Variants in CTNNA1 observed in about 807,000 individuals in gnomAD.
The protein encoded by CTNNA1 is catenin alpha-1.
CTNNA1 carries 37 observed loss-of-function variants against 98.4 expected under a neutral mutation model. The observed-to-expected ratio is 0.38, with a 90% CI of 0.29 to 0.49. The LOEUF (loss-of-function observed/expected upper bound fraction) is 0.49. Ranked by LOEUF, CTNNA1 falls within the 20% of genes least tolerant of loss-of-function variation. The pLI is 0.95. For missense variants in CTNNA1, 761 were observed against 1,147.2 expected (o/e 0.66, Z 4.86); for synonymous variants, 404 against 413.2 (o/e 0.98, Z 0.27).
At position 138,866,281 on chromosome 5, in the gene CTNNA1, T is replaced by C. The variant is rs1381988037; in HGVS notation, c.1063-19931T>C. On this transcript the variant is annotated intron_variant, in intron 7 of 17. Transcript: ENST00000302763. ...TAGATTCTGTTGTAACTCATTTATTTATTTATTTATTTATTTATTTATTTA... is the reference window on the plus strand; with the variant it reads ...TAGATTCTGTTGTAACTCATTTATTCATTTATTTATTTATTTATTTATTTA... 4.3e-5 allele frequency among the ~76,000 whole-genome samples: 4 copies of C among 92,548 alleles called. No homozygotes were observed. In the East Asian group the frequency reaches 8.4e-4, roughly 19 times the overall value. The allele number at this position is 92,548 out of a possible 152,430, so 60.7% of individuals were successfully genotyped here. A position where few individuals can be genotyped will look rare whatever the true frequency, so the allele number is the denominator to read the frequency against.
In CTNNA1 at chr5:138,873,703, GTTATCCATGAGGAGTATT is replaced by G; in HGVS notation, c.1063-12505_1063-12488del. On this transcript the variant is annotated intron_variant, in intron 7 of 17. Coordinates refer to ENST00000302763, the MANE Select transcript of CTNNA1 (RefSeq NM_001903.5). This position sits in a 1 kb window ranked among gnomAD's most constrained non-coding sequence, Gnocchi z 6.1. ...TGGAATCAAGGCTGTTTAACTTGTTGTTATCCATGAGGAGTATTTTAAGATTGGGCATCGTTTCAAACA... is the reference window on the plus strand; with the variant it reads ...TGGAATCAAGGCTGTTTAACTTGTTGTTAAGATTGGGCATCGTTTCAAACA... 1 of 1,614,004 alleles carries G rather than the reference GTTATCCATGAGGAGTATT, an allele frequency of 6.2e-7. No homozygotes were observed. The highest frequency in any genetic ancestry group is 8.5e-7 in the Non-Finnish European group (1 of 1,179,886).
At position 138,874,915 on chromosome 5, in the gene CTNNA1, TC is replaced by T; in HGVS notation, c.1063-11296del. 1 of 1,613,734 alleles carries T rather than the reference TC, an allele frequency of 6.2e-7. No individual in the cohort carries two copies. The highest frequency in any genetic ancestry group is 8.5e-7 in the Non-Finnish European group (1 of 1,179,776). ...ATAAATGCACAGACTTACCCATTCT[TC>T]TGAGCACATTGGAGGCTGCATTCAG... is the stretch of plus-strand genomic sequence containing the variant. On this transcript the variant is annotated intron_variant, in intron 7 of 17. Coordinates refer to ENST00000302763, the MANE Select transcript of CTNNA1 (RefSeq NM_001903.5). This position sits in a 1 kb window ranked among gnomAD's most constrained non-coding sequence, Gnocchi z 4.1.
At chr5:138,863,651 T>C (rs557200427) in intron 7 of CTNNA1, among the ~76,000 whole-genome samples, 1 of 152,236 alleles carries the variant, frequency 6.6e-6, no homozygotes, top group African/African-American at 2.4e-5. Flanking sequence ...TACAGCCCAG[T>C]TGGGTTCTTC....
At chr5:138,932,523 C>A in intron 16 of CTNNA1, 55 bp from the exon 17 acceptor site, 1 of 1,600,086 alleles carries the variant, frequency 6.2e-7, no homozygotes, top group South Asian at 1.1e-5. Context: ...GCCGTGGGGT[C>A]GGGGGTGCTT....
chr5:138,780,029 A>T (rs746702498), intron 1 of CTNNA1, among the ~76,000 whole-genome samples: 70 of 152,138 alleles, frequency 4.6e-4, no homozygotes, highest in Non-Finnish European at 8.2e-4. Flanking sequence ...TGTTGTTTGA[A>T]ATTTAGGTAA....
At chr5:138,820,476 G>A (rs948198109) in intron 5 of CTNNA1, among the ~76,000 whole-genome samples, 1 of 152,198 alleles carries the variant, frequency 6.6e-6, no homozygotes, top group African/African-American at 2.4e-5. Context: ...TGCAGGGACA[G>A]TGGTGAGGTC....
intron 3 of CTNNA1, 121 bp downstream of exon 3, chr5:138,783,493 T>C (rs1755362804): frequency 1.3e-6 from 1 of 778,946 alleles, no homozygotes; most frequent in Non-Finnish European, 2.1e-6. Context: ...AGTAACTTAC[T>C]TAGTTATTGG....
intron 9 of CTNNA1, among the ~76,000 whole-genome samples, chr5:138,902,443 G>A (rs901543921): frequency 1.3e-5 from 2 of 152,112 alleles, no homozygotes; most frequent in Admixed American, 1.3e-4. Flanking sequence ...TTTTTGAGAC[G>A]GAGTCTCGCT....
At chr5:138,885,560 A>G (rs1352850444) in intron 7 of CTNNA1, among the ~76,000 whole-genome samples, 1 of 152,116 alleles carries the variant, frequency 6.6e-6, no homozygotes, top group Non-Finnish European at 1.5e-5. Context: ...CAGCACCTTG[A>G]CCTCTGAAGA....
rs537271510 is a variant in CTNNA1, at chr5:138,824,130, C to T, written c.589-400C>T. 6.2e-4 allele frequency among the ~76,000 whole-genome samples: 94 copies of T among 152,094 alleles called. 4 individuals are homozygous for T. In the South Asian group the frequency reaches 0.019, roughly 31 times the overall value. On this transcript the variant is annotated intron_variant, in intron 5 of 17. Transcript: ENST00000302763. ...CAAGATGCTAGGCAGTTTGTTTTGTCTTTTATTTAATGCCTTATTTAGTGC... is the reference window on the plus strand; with the variant it reads ...CAAGATGCTAGGCAGTTTGTTTTGTTTTTTATTTAATGCCTTATTTAGTGC...
rs544341308 is a variant in CTNNA1 at position 138,799,469 on chromosome 5, A to C, written c.302-10569A>C. On this transcript the variant is annotated intron_variant, in intron 3 of 17. Transcript: ENST00000302763. ...CCACCATACCTGGCCATCTTTTTTT[A>C]TTTTTAGAGTTCTTTTAAGAGACAT... 3.9e-5 allele frequency among the ~76,000 whole-genome samples: 6 copies of C among 152,106 alleles called. No individual in the cohort carries two copies. The South Asian group carries it at 1.2e-3, about 32-fold the overall frequency.
At chr5:138,848,821 T>C (rs1337901920) in intron 7 of CTNNA1, among the ~76,000 whole-genome samples, 1 of 152,128 alleles carries the variant, frequency 6.6e-6, no homozygotes, top group Non-Finnish European at 1.5e-5. Flanking sequence ...ACTTCCTGGG[T>C]TCAAGTGATT....
chr5:138,833,871 A>G (rs1761520231), intron 7 of CTNNA1, among the ~76,000 whole-genome samples: 1 of 152,204 alleles, frequency 6.6e-6, no homozygotes, highest in South Asian at 2.1e-4. Flanking sequence ...CTTGCCTGAA[A>G]ACGTTGGACA....
intron 7 of CTNNA1, among the ~76,000 whole-genome samples, chr5:138,829,050 A>T (rs1023581904): frequency 3.3e-5 from 5 of 152,112 alleles, no homozygotes; most frequent in Non-Finnish European, 7.4e-5. Context: ...TAAGCCTGGG[A>T]GGTTGTGGCT....
At chr5:138,765,435 T>C (rs1263784925) in intron 1 of CTNNA1, among the ~76,000 whole-genome samples, 1 of 151,954 alleles carries the variant, frequency 6.6e-6, no homozygotes, top group Non-Finnish European at 1.5e-5. Flanking sequence ...ACCAGCCTCT[T>C]CCTCCCAATG....
chr5:138,872,202 T>C (rs1318345760), intron 7 of CTNNA1: 2 of 152,626 alleles, frequency 1.3e-5, no homozygotes, highest in East Asian at 1.9e-4. Context: ...ATTAGTACAA[T>C]GACAGTTTAA....
chr5:138,812,768 G>T (rs1261886209), intron 5 of CTNNA1, among the ~76,000 whole-genome samples: 1 of 152,138 alleles, frequency 6.6e-6, no homozygotes, highest in African/African-American at 2.4e-5. Context: ...CCATTGTGTG[G>T]CATGAGGATC....
At chr5:138,798,573 A>G (rs1167559085) in intron 3 of CTNNA1, among the ~76,000 whole-genome samples, 1 of 152,172 alleles carries the variant, frequency 6.6e-6, no homozygotes, top group Non-Finnish European at 1.5e-5. Flanking sequence ...TTTCAGGGGA[A>G]TTTACTCATG....
At chr5:138,809,566 A>C (rs1003377312) in intron 3 of CTNNA1, among the ~76,000 whole-genome samples, 2 of 152,198 alleles carry the variant, frequency 1.3e-5, no homozygotes, top group African/African-American at 2.4e-5. Flanking sequence ...CATACCAGTG[A>C]GTCTCTGTTA....
Sources: gnomAD v4.1 joint callset for allele counts (sites outside exome capture counted in the v4.1 genomes callset) on GRCh38, gnomAD v4.1.1 for gene constraint, Gnocchi (gnomAD v3.1) non-coding constraint, MANE v1.5 for transcripts, NCBI Gene and HGNC (gene_info 2026-07-23, HGNC 2026-07-21) for gene names.